Variants in VSNL1 observed in about 807,000 individuals in gnomAD.
VSNL1 encodes the protein visinin like 1.
A neutral mutation model predicts 20.4 loss-of-function variants in VSNL1; 6 were observed. That is an observed-to-expected ratio of 0.29 (90% confidence interval 0.16 to 0.58). The LOEUF is 0.58. VSNL1 is among the 20% of genes least tolerant of loss of function. VSNL1 has a pLI of 0.90. For missense variants in VSNL1, 100 were observed against 234.5 expected (o/e 0.43, Z 3.75); for synonymous variants, 93 against 86.4 (o/e 1.08, Z -0.42).
chr2:17,624,132 A>G (rs895893712), intron 2 of VSNL1, among the ~76,000 whole-genome samples: 1 of 152,216 alleles, frequency 6.6e-6, no homozygotes, highest in Non-Finnish European at 1.5e-5. Context: ...ACTTCAAGGA[A>G]GACACAGAGC....
At chr2:17,586,872 C>A (rs1339766859) in intron 1 of VSNL1, among the ~76,000 whole-genome samples, 1 of 152,108 alleles carries the variant, frequency 6.6e-6, no homozygotes, top group African/African-American at 2.4e-5. Context: ...AGGAAAAAAG[C>A]ACAAGGGGCA....
intron 1 of VSNL1, among the ~76,000 whole-genome samples, chr2:17,573,283 G>T (rs1664123675): frequency 6.6e-6 from 1 of 152,154 alleles, no homozygotes; most frequent in Non-Finnish European, 1.5e-5. Context: ...CAAGATCATG[G>T]TGACCCCTAT....
chr2:17,601,142 G>A (rs1664811429), intron 2 of VSNL1, among the ~76,000 whole-genome samples: 1 of 152,128 alleles, frequency 6.6e-6, no homozygotes, highest in Non-Finnish European at 1.5e-5. Context: ...GCTCTTAGAT[G>A]GCACCTCAAC....
At chr2:17,577,084 G>A (rs944431731) in intron 1 of VSNL1, among the ~76,000 whole-genome samples, 1 of 152,176 alleles carries the variant, frequency 6.6e-6, no homozygotes, top group Non-Finnish European at 1.5e-5. Flanking sequence ...AGTACTGTAG[G>A]CAATTGTAAC....
At chr2:17,592,663 T>C (rs1022100284) in intron 2 of VSNL1, among the ~76,000 whole-genome samples, 23 of 130,550 alleles carry the variant, frequency 1.8e-4, no homozygotes, top group Non-Finnish European at 2.3e-4. Flanking sequence ...TTTTTTTTTT[T>C]TTTTTTTTTT....
At chr2:17,560,277 C>T (rs1663783577) in intron 1 of VSNL1, among the ~76,000 whole-genome samples, 1 of 151,110 alleles carries the variant, frequency 6.6e-6, no homozygotes, top group Non-Finnish European at 1.5e-5. Context: ...AGTTGTTTTA[C>T]ATGGTTTTCA....
At chr2:17,540,595 G>A (rs28364792), upstream of VSNL1, 2 of 152,820 alleles carry the variant, frequency 1.3e-5, no homozygotes, top group East Asian at 1.9e-4. Context: ...GCGGAGCTGG[G>A]GGGAGGGAAG....
chr2:17,619,762 G>T (rs1388224026), intron 2 of VSNL1, among the ~76,000 whole-genome samples: 1 of 151,994 alleles, frequency 6.6e-6, no homozygotes. Context: ...AGGAATGAGG[G>T]TAACGTATTC....
chr2:17,567,766 CT>C (rs1014391028), intron 1 of VSNL1: 1 of 152,004 alleles, frequency 6.6e-6, no homozygotes, highest in African/African-American at 2.4e-5. Flanking sequence ...TTTTCTTTTT[CT>C]TTTTAAAATA....
intron 2 of VSNL1, among the ~76,000 whole-genome samples, chr2:17,616,686 GAA>G (rs1665224490): frequency 6.6e-6 from 1 of 152,236 alleles, no homozygotes; most frequent in Non-Finnish European, 1.5e-5. Flanking sequence ...GAGTATTCTT[GAA>G]AAGTTAACTG....
intron 1 of VSNL1, among the ~76,000 whole-genome samples, chr2:17,586,385 G>A (rs1219060999): frequency 2.0e-5 from 3 of 152,206 alleles, no homozygotes; most frequent in African/African-American, 7.2e-5. Flanking sequence ...GAAGAACCAA[G>A]GGTGATTCTT....
intron 2 of VSNL1, among the ~76,000 whole-genome samples, chr2:17,625,896 C>T (rs1317102402): frequency 2.7e-5 from 4 of 149,056 alleles, no homozygotes; most frequent in African/African-American, 5.0e-5. Flanking sequence ...TCCGCCTTCC[C>T]GGTTCAAGTG....
chr2:17,599,599 T>C lies in VSNL1; in HGVS notation c.162+7363T>C, dbSNP rs2103383465. Among the ~76,000 whole-genome samples, 2 of 152,228 alleles carry C rather than the reference T, an allele frequency of 1.3e-5. 1 individual carries two copies. The highest frequency in any genetic ancestry group is 3.8e-4 in the East Asian group (2 of 5,200). On this transcript the variant is annotated intron_variant, in intron 2 of 3. Coordinates refer to ENST00000295156, the MANE Select transcript of VSNL1 (RefSeq NM_003385.5). ...GGTCTCTCCCTTGTTTCTCACTCCC[T>C]CTTTTCTCTCTTGTTCTCTCTCTCT...
chr2:17,602,165 C>T (rs573700760), intron 2 of VSNL1, among the ~76,000 whole-genome samples: 11 of 152,326 alleles, frequency 7.2e-5, no homozygotes, highest in Non-Finnish European at 1.3e-4. Context: ...CCCTGCCCTC[C>T]AGTGGCCCAT....
chr2:17,562,718 T>C (rs1663848084), intron 1 of VSNL1, among the ~76,000 whole-genome samples: 1 of 152,320 alleles, frequency 6.6e-6, no homozygotes, highest in East Asian at 1.9e-4. Context: ...TCCAGAGCCA[T>C]CAGGAACCAG....
intron 1 of VSNL1, among the ~76,000 whole-genome samples, chr2:17,555,766 T>A (rs1663661858): frequency 1.3e-5 from 2 of 152,104 alleles, no homozygotes; most frequent in African/African-American, 4.8e-5. Context: ...ACAAATTTCA[T>A]TTGCTTAGTT....
At chr2:17,540,403 C>A (rs1347893067), upstream of VSNL1, among the ~76,000 whole-genome samples, 1 of 152,236 alleles carries the variant, frequency 6.6e-6, no homozygotes, top group East Asian at 1.9e-4. Context: ...CCCTCGCGCC[C>A]GTCCAGGTGC....
chr2:17,596,798 C>T (rs2103380937), intron 2 of VSNL1, among the ~76,000 whole-genome samples: 1 of 152,304 alleles, frequency 6.6e-6, no homozygotes, highest in South Asian at 2.1e-4. Flanking sequence ...AGCTGTGTTA[C>T]ATTTACCAAA....
At chr2:17,597,065 T>C (rs1664728413) in intron 2 of VSNL1, among the ~76,000 whole-genome samples, 1 of 152,218 alleles carries the variant, frequency 6.6e-6, no homozygotes, top group Admixed American at 6.5e-5. Context: ...AGAGACTCTA[T>C]GAAATTTCAA....
Sources: allele counts gnomAD v4.1 joint callset (sites outside exome capture counted in the v4.1 genomes callset), GRCh38; gene constraint gnomAD v4.1.1; transcripts MANE v1.5; gene names NCBI Gene and HGNC (gene_info 2026-07-23, HGNC 2026-07-21).